Variants in GRIP1 observed in about 807,000 individuals in gnomAD.
The protein encoded by GRIP1 is glutamate receptor interacting protein 1.
A neutral mutation model predicts 129.9 loss-of-function variants in GRIP1; 45 were observed. The ratio of observed to expected loss-of-function variants is 0.35; its 90% CI spans 0.27 to 0.44. The LOEUF is 0.44. Ranked by LOEUF, GRIP1 falls within the 20% of genes least tolerant of loss-of-function variation. GRIP1 has a pLI of 1.00. For synonymous variants in GRIP1, 530 were observed against 520.8 expected, an observed-to-expected ratio of 1.02 and a Z score of -0.24; for missense variants, 1,196 against 1,396.8, an observed-to-expected ratio of 0.86 and a Z score of 2.29.
At chr12:66,758,971 G>T (rs1205425123) in intron 1 of GRIP1, among the ~76,000 whole-genome samples, 1 of 152,312 alleles carries the variant, frequency 6.6e-6, no homozygotes, top group African/African-American at 2.4e-5. Context: ...CAAGCTGTCA[G>T]TGGATCTATC....
chr12:66,379,345 A>C lies in GRIP1; in HGVS notation c.2556T>G (p.Pro852=), dbSNP rs1565681858. The change falls in exon 20 of 25, where the codon CCT becomes CCG. Residue 852 remains proline (P), a synonymous_variant. Coordinates refer to ENST00000359742, the MANE Select transcript of GRIP1 (RefSeq NM_001366722.1). Reference sequence around the variant, plus strand: ...CCACATCTGGGTAAGTCTGGCTTCGAGGCTTAGTGACTGGGGACAAGCTGC... The same window carrying C: ...CCACATCTGGGTAAGTCTGGCTTCGCGGCTTAGTGACTGGGGACAAGCTGC... ...QRGSLSPVTK[P]RSQTYPDVGL... 6.2e-7 allele frequency: 1 copy of C among 1,614,068 alleles called. No homozygotes were observed.
At chr12:66,530,088 A>C (rs1565832334) in intron 4 of GRIP1, among the ~76,000 whole-genome samples, 174 bp from the exon 5 acceptor site, 1 of 152,242 alleles carries the variant, frequency 6.6e-6, no homozygotes. Context: ...TAAAAATACC[A>C]TAAAACAGTC....
At chr12:66,643,296 A>T (rs568176330) in intron 1 of GRIP1, among the ~76,000 whole-genome samples, 11 of 152,270 alleles carry the variant, frequency 7.2e-5, no homozygotes, top group Non-Finnish European at 1.2e-4. Flanking sequence ...CTACCCAAAC[A>T]TGCATGTATC....
chr12:67,015,860 C>T (rs143259598), intron 1 of GRIP1, among the ~76,000 whole-genome samples: 337 of 151,734 alleles, frequency 2.2e-3, no homozygotes, highest in African/African-American at 7.5e-3. Flanking sequence ...ACATGAGAGA[C>T]AACAAGAAAG....
At chr12:66,644,307 G>C (rs1444984562) in intron 1 of GRIP1, among the ~76,000 whole-genome samples, 1 of 152,090 alleles carries the variant, frequency 6.6e-6, no homozygotes, top group Admixed American at 6.6e-5. Context: ...AAAACATATA[G>C]TGTTCATTTT....
chr12:66,678,371 T>C (rs2034435996), intron 1 of GRIP1, among the ~76,000 whole-genome samples: 1 of 152,138 alleles, frequency 6.6e-6, no homozygotes, highest in African/African-American at 2.4e-5. Context: ...AAATTAAAGC[T>C]GTCCAGGGAA....
intron 1 of GRIP1, among the ~76,000 whole-genome samples, chr12:66,718,192 C>T (rs2035951542): frequency 6.6e-6 from 1 of 152,134 alleles, no homozygotes; most frequent in Non-Finnish European, 1.5e-5. Flanking sequence ...TCAGGAATTC[C>T]TGCCACCACT....
chr12:66,688,997 C>T (rs905063935), intron 1 of GRIP1, among the ~76,000 whole-genome samples: 5 of 152,138 alleles, frequency 3.3e-5, no homozygotes, highest in Non-Finnish European at 7.3e-5. Context: ...AGCAAGTACA[C>T]CTTCCCTTTC....
chr12:66,516,578 C>G (rs2138937194), intron 6 of GRIP1, among the ~76,000 whole-genome samples: 1 of 152,196 alleles, frequency 6.6e-6, no homozygotes, highest in Non-Finnish European at 1.5e-5. Flanking sequence ...TCTTTGAGTT[C>G]TAAATTAATT....
At chr12:66,825,154 T>C (rs2039387400) in intron 1 of GRIP1, among the ~76,000 whole-genome samples, 1 of 152,184 alleles carries the variant, frequency 6.6e-6, no homozygotes, top group African/African-American at 2.4e-5. Flanking sequence ...CTATTCTTCA[T>C]TGCCAAGAAG....
intron 1 of GRIP1, among the ~76,000 whole-genome samples, chr12:66,905,725 T>C (rs1278039499): frequency 2.0e-5 from 3 of 152,208 alleles, no homozygotes; most frequent in Non-Finnish European, 4.4e-5. Flanking sequence ...TGTGTTATTA[T>C]ATAGTCATTT....
chr12:66,601,563 T>C (rs2064279988), intron 1 of GRIP1, among the ~76,000 whole-genome samples: 1 of 152,222 alleles, frequency 6.6e-6, no homozygotes, highest in African/African-American at 2.4e-5. Context: ...TAATTTCCTT[T>C]GGCTGAGACT....
At chr12:66,643,880 C>G (rs2032140776) in intron 1 of GRIP1, among the ~76,000 whole-genome samples, 1 of 152,130 alleles carries the variant, frequency 6.6e-6, no homozygotes, top group Non-Finnish European at 1.5e-5. Context: ...CTGCTTTATC[C>G]TTACGTATTT....
intron 7 of GRIP1, among the ~76,000 whole-genome samples, chr12:66,493,892 T>C (rs1417019145): frequency 6.6e-6 from 1 of 152,138 alleles, no homozygotes; most frequent in African/African-American, 2.4e-5. Context: ...CTTATTCCTC[T>C]CCTCTCTCCT....
chr12:66,963,672 C>T (rs889002355), intron 1 of GRIP1, among the ~76,000 whole-genome samples: 1 of 152,052 alleles, frequency 6.6e-6, no homozygotes, highest in African/African-American at 2.4e-5. Context: ...TTTCTTCTCT[C>T]AATACTCCTT....
At chr12:66,558,113 G>C (rs1451308873) in intron 2 of GRIP1, among the ~76,000 whole-genome samples, 3 of 152,058 alleles carry the variant, frequency 2.0e-5, no homozygotes, top group East Asian at 1.9e-4. Flanking sequence ...TAAAATCAAA[G>C]ATGAAAATGA....
chr12:66,385,596 A>ATTATTTAT lies in GRIP1; in HGVS notation c.2465-6168_2465-6161dup, dbSNP rs149410816. Among the ~76,000 whole-genome samples the ATTATTTAT allele has an allele frequency of 2.7e-3, 403 of 151,558 alleles. 1 individual carries two copies. The highest frequency in any genetic ancestry group is 8.3e-3 in the African/African-American group (344 of 41,288). ...TGGTCCTAAGTCATTTCTCCTTTGG[A>ATTATTTAT]TTATTTATTTATTTATTTATTTATT... On this transcript the variant is annotated intron_variant, in intron 19 of 24. Transcript: ENST00000359742.
intron 1 of GRIP1, among the ~76,000 whole-genome samples, chr12:66,758,137 T>C (rs1042136310): frequency 4.6e-5 from 7 of 152,198 alleles, no homozygotes; most frequent in African/African-American, 1.7e-4. Context: ...GTTTTCATGC[T>C]GGTGATAAAG....
chr12:66,837,307 CA>C (rs1249139230), intron 1 of GRIP1, among the ~76,000 whole-genome samples: 2 of 152,124 alleles, frequency 1.3e-5, no homozygotes, highest in Admixed American at 6.5e-5. Context: ...GTTGCATTAA[CA>C]AAAGTATCTA....
Sources: gnomAD v4.1 joint callset for allele counts (sites outside exome capture counted in the v4.1 genomes callset) on GRCh38, gnomAD v4.1.1 for gene constraint, MANE v1.5 for transcripts, NCBI Gene and HGNC (gene_info 2026-07-23, HGNC 2026-07-21) for gene names.